HIRA: variants seen among roughly 807,000 people sequenced by gnomAD.
HIRA encodes the protein histone cell cycle regulator.
A neutral mutation model predicts 126.6 loss-of-function variants in HIRA; 13 were observed. The ratio of observed to expected loss-of-function variants is 0.10; its 90% CI spans 0.07 to 0.16. The LOEUF is 0.16. Among genes scored for constraint, HIRA ranks in the 10% least tolerant of loss-of-function variants. The pLI is 1.00. For missense variants in HIRA, 834 were observed against 1,314.4 expected (o/e 0.63, Z 5.65); for synonymous variants, 511 against 520.0 (o/e 0.98, Z 0.24).
At chr22:19,362,194 A>T (rs1004439615) in intron 15 of HIRA, among the ~76,000 whole-genome samples, 1 of 152,256 alleles carries the variant, frequency 6.6e-6, no homozygotes, top group Non-Finnish European at 1.5e-5. Context: ...TGCAGGCCAG[A>T]AACTCACATC....
rs759651277 is a variant in HIRA, at chr22:19,361,323, C to A, written c.1999G>T (p.Ala667Ser). 3.8e-5 allele frequency: 61 copies of A among 1,613,976 alleles called. No individual in the cohort carries two copies. The Middle Eastern group carries it at 4.9e-4, about 13-fold the overall frequency. The change falls in exon 17 of 25, where the codon GCA becomes TCA. Residue 667 changes from alanine (A) to serine (S), a missense_variant. By Grantham distance (99) the Ala-to-Ser change is moderately conservative (BLOSUM62 1). Transcript: ENST00000263208. ...LSVQSPAALT[A>S]EKEAMCLSAP... ...GACAGACACATGGCCTCCTTCTCTG[C>A]GGTTAGGGCAGCTGGAGACTGGAAG...
intron 22 of HIRA, 53 bp from the exon 23 acceptor site, chr22:19,353,572 C>A (rs1021105937): frequency 2.6e-6 from 4 of 1,515,260 alleles, no homozygotes; most frequent in Non-Finnish European, 3.5e-6. Context: ...TACACAGAGT[C>A]AGGAACTGCC....
At chr22:19,417,887 T>G (rs939549631) in intron 1 of HIRA, among the ~76,000 whole-genome samples, 1 of 152,230 alleles carries the variant, frequency 6.6e-6, no homozygotes, top group Non-Finnish European at 1.5e-5. Flanking sequence ...AAATGTGGTA[T>G]ATATCCATAC....
rs1303711112 is a variant in HIRA at position 19,361,846 on chromosome 22, C to T, written c.1861G>A (p.Ala621Thr). The T allele has an allele frequency of 6.2e-7, 1 of 1,614,046 alleles. No individual in the cohort carries two copies. The highest frequency in any genetic ancestry group is 2.2e-5 in the East Asian group (1 of 44,898). ...SSDSDEKVPL[A>T]KASSLSKRKL... ...CGCTTGGACAGTGAGGAAGCCTTAG[C>T]CAAAGGGACTTTCTCATCGCTGTCA... Residue 621 changes from alanine to threonine, a missense_variant, in exon 16 of 25, where the codon GCT (alanine) becomes ACT (threonine). Ala to Thr is a moderately conservative substitution (Grantham distance 58). Transcript: ENST00000263208.
intron 4 of HIRA, 114 bp from the exon 5 acceptor site, chr22:19,405,994 A>C: frequency 4.0e-6 from 2 of 505,692 alleles, no homozygotes; most frequent in Non-Finnish European, 6.6e-6. Context: ...ACAAACAAGA[A>C]CTGGAAAGCA....
At chr22:19,362,415 T>C (rs914475651) in intron 15 of HIRA, among the ~76,000 whole-genome samples, 2 of 152,196 alleles carry the variant, frequency 1.3e-5, no homozygotes, top group Non-Finnish European at 2.9e-5. Context: ...GGGAACTCTT[T>C]CTACTACCCA....
intron 17 of HIRA, among the ~76,000 whole-genome samples, chr22:19,360,696 G>A (rs2088855272): frequency 6.6e-6 from 1 of 152,322 alleles, no homozygotes; most frequent in Non-Finnish European, 1.5e-5. Context: ...TACTATGCTG[G>A]GCCAAGTGAC....
At position 19,350,047 on chromosome 22, in the gene HIRA, G is replaced by A. The variant is rs535624933; in HGVS notation, c.2937+1311C>T. Reference sequence around the variant, plus strand: ...CTATTGCCCAGACTGGAGTGCAGTGGCGCGATCTTGGCTCACTGAAAGCTT... The same window carrying A: ...CTATTGCCCAGACTGGAGTGCAGTGACGCGATCTTGGCTCACTGAAAGCTT... On this transcript the variant is annotated intron_variant, in intron 24 of 24. Transcript: ENST00000263208. Among the ~76,000 whole-genome samples, 6 of 151,854 alleles carry A rather than the reference G, an allele frequency of 4.0e-5. No individual in the cohort carries two copies. In the South Asian group the frequency reaches 1.3e-3, roughly 32 times the overall value.
chr22:19,410,988 A>T (rs1324359478), intron 1 of HIRA, among the ~76,000 whole-genome samples: 1 of 152,134 alleles, frequency 6.6e-6, no homozygotes, highest in South Asian at 2.1e-4. Context: ...TCTTGTAGGG[A>T]TGTGTGTTTG....
In HIRA at chr22:19,331,371, G is replaced by C; in HGVS notation, c.*69C>G. ...CCTACAGCCTGGTCAGGTGAGAGGC[G>C]GTCCTGCATGTCATCAGCGGCGAGA... On this transcript the variant is annotated 3_prime_UTR_variant, in exon 25 of 25. Transcript: ENST00000263208. 1 of 1,607,426 alleles carries C rather than the reference G, an allele frequency of 6.2e-7. No homozygotes were observed. Among genetic ancestry groups the C allele is most frequent in the East Asian group, 2.2e-5 (1 of 44,814 alleles).
chr22:19,375,985 A>C (rs1315918668), intron 14 of HIRA, among the ~76,000 whole-genome samples, 193 bp from the exon 15 acceptor site: 1 of 152,212 alleles, frequency 6.6e-6, no homozygotes, highest in African/African-American at 2.4e-5. Flanking sequence ...GACACCTAGA[A>C]GGTTGTGAGC....
chr22:19,365,523 T>C (rs1943861938), intron 15 of HIRA, among the ~76,000 whole-genome samples: 1 of 152,234 alleles, frequency 6.6e-6, no homozygotes, highest in Admixed American at 6.5e-5. Context: ...AAAGCCTAGA[T>C]GACAGCACAT....
rs531914562 is a variant in HIRA, at chr22:19,412,029, T to C, written c.38-1251A>G. On this transcript the variant is annotated intron_variant, in intron 1 of 24. Transcript: ENST00000263208. ...ACACTTTCCTTCTTACTGGTCACTATGTAGTATAGGTTGAGTATCCCTTAT... is the reference window on the plus strand; with the variant it reads ...ACACTTTCCTTCTTACTGGTCACTACGTAGTATAGGTTGAGTATCCCTTAT... 6.6e-5 allele frequency among the ~76,000 whole-genome samples: 10 copies of C among 152,312 alleles called. No homozygotes were observed. The South Asian group carries it at 2.1e-3, about 32-fold the overall frequency.
chr22:19,419,778 G>A (rs979079895), intron 1 of HIRA, among the ~76,000 whole-genome samples: 1 of 152,154 alleles, frequency 6.6e-6, no homozygotes, highest in Non-Finnish European at 1.5e-5. Flanking sequence ...AACACCTTCA[G>A]TATCACTGGT....
chr22:19,349,051 T>C (rs903239978), intron 24 of HIRA, among the ~76,000 whole-genome samples: 6 of 151,960 alleles, frequency 3.9e-5, no homozygotes, highest in African/African-American at 7.3e-5. Context: ...CCCAAAAGGC[T>C]GGGATTATAG....
rs562293837 is a variant in HIRA at position 19,368,592 on chromosome 22, A to G, written c.1776-6661T>C. On this transcript the variant is annotated intron_variant, in intron 15 of 24. Transcript: ENST00000263208. Reference sequence around the variant, plus strand: ...CAGATGTTCTGAATATGGAAATGGAATATTAGCTTGTTCTAATTTTTTCTA... The same window carrying G: ...CAGATGTTCTGAATATGGAAATGGAGTATTAGCTTGTTCTAATTTTTTCTA... 2.1e-4 allele frequency among the ~76,000 whole-genome samples: 32 copies of G among 152,316 alleles called. No homozygotes were observed. The South Asian group carries it at 6.2e-3, about 30-fold the overall frequency.
rs906852733 is a variant in HIRA at position 19,361,802 on chromosome 22, T to C, written c.1905A>G (p.Val635=). Residue 635 remains valine (V), a synonymous_variant, in exon 16 of 25, where the codon GTA becomes GTG. Coordinates refer to ENST00000263208, the MANE Select transcript of HIRA (RefSeq NM_003325.4). Reference sequence around the variant, plus strand: ...CTTTCTTCTTCTTCTCTACTGTCTCTACCTCAAGCTCAAGTTTTCGCTTGG... The same window carrying C: ...CTTTCTTCTTCTTCTCTACTGTCTCCACCTCAAGCTCAAGTTTTCGCTTGG... The part of the protein sequence containing the change: ...SLSKRKLELE[V]ETVEKKKKGR... 6.2e-7 allele frequency: 1 copy of C among 1,614,114 alleles called. No homozygotes were observed. The highest frequency in any genetic ancestry group is 8.5e-7 in the Non-Finnish European group (1 of 1,180,030).
intron 1 of HIRA, among the ~76,000 whole-genome samples, chr22:19,419,573 T>C (rs576753784): frequency 3.9e-5 from 6 of 152,306 alleles, no homozygotes; most frequent in Admixed American, 3.9e-4. Context: ...ACATATTAAT[T>C]TCCTTTATTG....
chr22:19,410,091 A>C (rs2089340268), intron 2 of HIRA, among the ~76,000 whole-genome samples: 1 of 152,224 alleles, frequency 6.6e-6, no homozygotes, highest in Admixed American at 6.5e-5. Context: ...GGCTCTGTGG[A>C]ATGCTACATT....
Sources: allele counts gnomAD v4.1 joint callset (sites outside exome capture counted in the v4.1 genomes callset), GRCh38; gene constraint gnomAD v4.1.1; transcripts MANE v1.5; gene names NCBI Gene and HGNC (gene_info 2026-07-23, HGNC 2026-07-21).